The following TRAPPC9 variants were observed in gnomAD, a reference collection of about 807,000 sequenced individuals.
The protein encoded by TRAPPC9 is trafficking protein particle complex subunit 9.
Under a neutral mutation model 124.0 loss-of-function variants are expected in TRAPPC9, and 83 were observed. The ratio of observed to expected loss-of-function variants is 0.67; its 90% CI spans 0.56 to 0.80. The LOEUF is 0.80. Ranked by LOEUF, TRAPPC9 falls within the 30% of genes least tolerant of loss-of-function variation. The probability of loss-of-function intolerance (pLI) is 0.00; values close to 1 mark genes in which losing one functional copy is unlikely to be tolerated. For missense variants in TRAPPC9, 1,302 were observed against 1,508.3 expected (o/e 0.86, Z 2.27); for synonymous variants, 638 against 617.5 (o/e 1.03, Z -0.49).
chr8:140,253,369 A>G (rs988855722), intron 15 of TRAPPC9, among the ~76,000 whole-genome samples: 2 of 152,022 alleles, frequency 1.3e-5, no homozygotes, highest in African/African-American at 4.8e-5. Flanking sequence ...CCTCTTCACA[A>G]AAAGAGAATA....
At chr8:140,425,566 TA>T (rs1225986924) in intron 5 of TRAPPC9, among the ~76,000 whole-genome samples, 6 of 152,170 alleles carry the variant, frequency 3.9e-5, no homozygotes, top group African/African-American at 1.4e-4. Context: ...AGCTCTAAGC[TA>T]CTTCTATATG....
At chr8:140,130,153 A>G (rs2061179035) in intron 17 of TRAPPC9, among the ~76,000 whole-genome samples, 1 of 152,226 alleles carries the variant, frequency 6.6e-6, no homozygotes, top group Non-Finnish European at 1.5e-5. Flanking sequence ...ATCAAAATAA[A>G]GAACTGGAGT....
At chr8:140,267,292 G>C (rs961168246) in intron 15 of TRAPPC9, among the ~76,000 whole-genome samples, 1 of 152,236 alleles carries the variant, frequency 6.6e-6, no homozygotes, top group Non-Finnish European at 1.5e-5. Context: ...GCAGGCACCA[G>C]GCACCGGCAT....
intron 21 of TRAPPC9, among the ~76,000 whole-genome samples, chr8:139,858,609 G>A (rs1587003650): frequency 6.6e-6 from 1 of 152,170 alleles, no homozygotes; most frequent in East Asian, 1.9e-4. Context: ...CTGGGGACTG[G>A]GTGGGTGGGA....
intron 17 of TRAPPC9, among the ~76,000 whole-genome samples, chr8:140,170,886 G>C (rs1266115450): frequency 6.6e-6 from 1 of 152,202 alleles, no homozygotes; most frequent in Non-Finnish European, 1.5e-5. Flanking sequence ...CAGCCTCCAA[G>C]AACCTCGGGC....
At chr8:139,926,615 A>AT (rs1036741837) in intron 19 of TRAPPC9, among the ~76,000 whole-genome samples, 5 of 151,612 alleles carry the variant, frequency 3.3e-5, no homozygotes, top group Non-Finnish European at 5.9e-5. Flanking sequence ...AATAAAAAAA[A>AT]AAAAAAAACT....
At chr8:139,784,608 C>CATATATAT (rs34583867) in intron 21 of TRAPPC9, among the ~76,000 whole-genome samples, 3,274 of 88,108 alleles carry the variant, frequency 0.037, 103 homozygotes, top group Non-Finnish European at 0.054. Flanking sequence ...AAAAGACTGA[C>CATATATAT]ATATATATAT....
chr8:139,929,341 A>C (rs1409760711), intron 19 of TRAPPC9, among the ~76,000 whole-genome samples: 4 of 152,212 alleles, frequency 2.6e-5, no homozygotes, highest in African/African-American at 9.6e-5. Flanking sequence ...CCAGGATAAC[A>C]GATAACGTCT....
At chr8:139,850,410 T>A (rs1416450617) in intron 21 of TRAPPC9, among the ~76,000 whole-genome samples, 1 of 152,152 alleles carries the variant, frequency 6.6e-6, no homozygotes, top group African/African-American at 2.4e-5. Context: ...GTGCCCCTCA[T>A]GGGGCAGGAG....
At chr8:140,278,639 T>C (rs778495208) in intron 14 of TRAPPC9, among the ~76,000 whole-genome samples, 3 of 152,226 alleles carry the variant, frequency 2.0e-5, no homozygotes, top group African/African-American at 7.2e-5. Context: ...CATCTCTGTA[T>C]GGCTGCCTGG....
chr8:140,429,228 C>T (rs1437527612), intron 4 of TRAPPC9, among the ~76,000 whole-genome samples: 2 of 151,962 alleles, frequency 1.3e-5, no homozygotes, highest in Admixed American at 6.6e-5. Context: ...ACTACAGGTG[C>T]GCACCACCAC....
chr8:139,774,530 C>A (rs541040735), intron 21 of TRAPPC9, among the ~76,000 whole-genome samples: 2 of 152,318 alleles, frequency 1.3e-5, no homozygotes, highest in African/African-American at 4.8e-5. Flanking sequence ...CCTGGAGAGA[C>A]CCCCTTCCCG....
intron 12 of TRAPPC9, 65 bp from the exon 13 acceptor site, chr8:140,287,799 G>T: frequency 6.2e-7 from 1 of 1,609,208 alleles, no homozygotes. Context: ...AGTTCCAAAT[G>T]AGCCTTAAGA....
In TRAPPC9 at chr8:140,247,344, T is replaced by C. The variant is rs1307330448; in HGVS notation, c.2431+5433A>G. 2.6e-5 allele frequency among the ~76,000 whole-genome samples: 4 copies of C among 152,212 alleles called. No individual in the cohort carries two copies. The East Asian group carries it at 7.7e-4, about 29-fold the overall frequency. On this transcript the variant is annotated intron_variant, in intron 16 of 22. Transcript: ENST00000438773. ...TTTTCATTACATGAGTAGCTAGACA[T>C]AGTCTAGATACATGCTATTCTATTG...
At chr8:139,943,774 G>T (rs1308288150) in intron 19 of TRAPPC9, among the ~76,000 whole-genome samples, 2 of 152,120 alleles carry the variant, frequency 1.3e-5, no homozygotes, top group Non-Finnish European at 2.9e-5. Context: ...CAATGCATTG[G>T]ATAGGCTTCA....
intron 16 of TRAPPC9, among the ~76,000 whole-genome samples, chr8:140,245,351 T>A (rs1235152943): frequency 6.6e-6 from 1 of 152,162 alleles, no homozygotes; most frequent in African/African-American, 2.4e-5. Context: ...CTCTTTGCCA[T>A]TTTACCACGT....
chr8:140,352,055 G>C (rs2067600409), intron 9 of TRAPPC9, among the ~76,000 whole-genome samples: 2 of 151,656 alleles, frequency 1.3e-5, no homozygotes, highest in Admixed American at 1.3e-4. Flanking sequence ...TCCTAAGAAA[G>C]ACTAATCCAT....
At chr8:139,805,267 GTGCCTGGGCTGCCTCC>G (rs1823966229) in intron 21 of TRAPPC9, among the ~76,000 whole-genome samples, 1 of 152,224 alleles carries the variant, frequency 6.6e-6, no homozygotes, top group African/African-American at 2.4e-5. Context: ...GGCGTGAGGT[GTGCCTGGGCTGCCTCC>G]TGCCTGGAAG....
chr8:139,860,118 G>A (rs911446665), intron 21 of TRAPPC9, among the ~76,000 whole-genome samples: 2 of 152,178 alleles, frequency 1.3e-5, no homozygotes, highest in African/African-American at 2.4e-5. Context: ...ACATCCAGTA[G>A]CCGGACAGAT....
Sources: gnomAD v4.1 joint callset for allele counts (sites outside exome capture counted in the v4.1 genomes callset) on GRCh38, gnomAD v4.1.1 for gene constraint, MANE v1.5 for transcripts, NCBI Gene and HGNC (gene_info 2026-07-23, HGNC 2026-07-21) for gene names.